Variants in SLTM observed in about 807,000 individuals in gnomAD.
SLTM encodes the protein SAFB-like transcription modulator.
A neutral mutation model predicts 134.6 loss-of-function variants in SLTM; 43 were observed. The ratio of observed to expected loss-of-function variants is 0.32; its 90% CI spans 0.25 to 0.41. The LOEUF is 0.41. Ranked by LOEUF, SLTM falls within the 10% of genes least tolerant of loss-of-function variation. SLTM has a pLI of 1.00. For synonymous variants in SLTM, 424 were observed against 432.3 expected, an observed-to-expected ratio of 0.98 and a Z score of 0.24; for missense variants, 1,055 against 1,288.8, an observed-to-expected ratio of 0.82 and a Z score of 2.78.
chr15:58,920,562 G>A (rs572489582), intron 2 of SLTM, among the ~76,000 whole-genome samples: 3 of 151,958 alleles, frequency 2.0e-5, no homozygotes, highest in Admixed American at 2.0e-4. Flanking sequence ...GGTGGAGGCT[G>A]CAGTGAGCCA....
intron 2 of SLTM, among the ~76,000 whole-genome samples, chr15:58,927,460 G>A (rs1031700331): frequency 2.6e-5 from 4 of 152,206 alleles, no homozygotes; most frequent in African/African-American, 4.8e-5. Context: ...TAGTAAAAAC[G>A]GGGTTTCACC....
chr15:58,918,928 T>C (rs1179592191), intron 2 of SLTM, among the ~76,000 whole-genome samples: 3 of 152,068 alleles, frequency 2.0e-5, no homozygotes, highest in Non-Finnish European at 2.9e-5. Context: ...TTTTTTTTTT[T>C]CCTGAGACAA....
At chr15:58,921,273 A>T (rs2037025827) in intron 2 of SLTM, among the ~76,000 whole-genome samples, 1 of 152,238 alleles carries the variant, frequency 6.6e-6, no homozygotes, top group Admixed American at 6.5e-5. Context: ...AAATTAGATT[A>T]CAAAGCTAGT....
At chr15:58,932,050 T>C (rs1465581715) in intron 2 of SLTM, 3 of 176,092 alleles carry the variant, frequency 1.7e-5, no homozygotes, top group Non-Finnish European at 2.5e-5. Flanking sequence ...AAGGTAGACA[T>C]GTGTTAAACT....
intron 1 of SLTM, among the ~76,000 whole-genome samples, chr15:58,933,156 G>T (rs1188644175): frequency 4.0e-5 from 6 of 151,838 alleles, no homozygotes; most frequent in African/African-American, 1.4e-4. Context: ...ACGTCCCGGG[G>T]AGGCGGAGGC....
chr15:58,888,549 A>G lies in SLTM; in HGVS notation c.2211T>C (p.Asp737=), dbSNP rs112400142. ...KRPRDVDHRR[D]DPYWSENKKL... ...TTTTATTCTCGCTCCAGTAAGGATC[A>G]TCTCGCCTTGAAGAGAAATATTTGC... is the stretch of plus-strand genomic sequence containing the variant. The change falls in exon 17 of 21, where the codon GAT becomes GAC. Residue 737 remains aspartate (D), a synonymous_variant. Transcript: ENST00000380516. The G allele has an allele frequency of 0.021, 33,390 of 1,612,046 alleles. 391 individuals carry two copies. The highest frequency in any genetic ancestry group is 0.024 in the Middle Eastern group (148 of 6,058).
rs8025831 is a variant in SLTM at position 58,914,136 on chromosome 15, G to A, written c.316-440C>T. On this transcript the variant is annotated intron_variant, in intron 3 of 20. Coordinates refer to ENST00000380516, the MANE Select transcript of SLTM (RefSeq NM_024755.4). The stretch of plus-strand genomic sequence containing the variant: ...AACTGCTGCATCAATGTCTGTTCTT[G>A]AAAAATATGCAAATAACTAATTGAA... Among the ~76,000 whole-genome samples, 667 of 152,284 alleles carry A rather than the reference G, an allele frequency of 4.4e-3. 9 individuals carry two copies. The highest frequency in any genetic ancestry group is 0.016 in the African/African-American group (651 of 41,558).
chr15:58,921,375 A>C (rs938759259), intron 2 of SLTM: 1 of 161,768 alleles, frequency 6.2e-6, no homozygotes, highest in African/African-American at 2.4e-5. Flanking sequence ...GTTGTTTAAA[A>C]TATTATCTCT....
Position 58,890,329 on chromosome 15 carries a change from C to T in SLTM, c.2031G>A (p.Glu677=). The change falls in exon 15 of 21, where the codon GAG becomes GAA. Residue 677 remains glutamate, a synonymous_variant. Coordinates refer to ENST00000380516, the MANE Select transcript of SLTM (RefSeq NM_024755.4). Reference sequence around the variant, plus strand: ...TTTCCAAGCGTTCGCGTTCCATTCTCTCTCTCTCTAGTTTTTGCCTTTCAA... The same window carrying T: ...TTTCCAAGCGTTCGCGTTCCATTCTTTCTCTCTCTAGTTTTTGCCTTTCAA... The part of the protein sequence containing the change: ...LEIERQKLER[E]RMERERLERE... 4 of 1,614,090 alleles carry T rather than the reference C, an allele frequency of 2.5e-6. No individual in the cohort carries two copies. Among genetic ancestry groups the T allele is most frequent in the Non-Finnish European group, 3.4e-6 (4 of 1,179,966 alleles).
At chr15:58,925,093 G>T (rs1489178869) in intron 2 of SLTM, among the ~76,000 whole-genome samples, 2 of 95,336 alleles carry the variant, frequency 2.1e-5, no homozygotes, top group African/African-American at 7.9e-5. Flanking sequence ...AAAAAAAAAA[G>T]CTTAGTTATA....
At chr15:58,912,518 C>T (rs569267776) in intron 5 of SLTM, 45 bp downstream of exon 5, 29 of 1,502,544 alleles carry the variant, frequency 1.9e-5, no homozygotes, top group Middle Eastern at 1.7e-4. Context: ...TTTCCAAGCC[C>T]GTCCACCCAC....
intron 14 of SLTM, among the ~76,000 whole-genome samples, chr15:58,891,999 A>G (rs1310351073): frequency 6.6e-6 from 1 of 152,190 alleles, no homozygotes; most frequent in Non-Finnish European, 1.5e-5. Flanking sequence ...CATCTTAAAA[A>G]AGAGAAAATG....
At position 58,912,622 on chromosome 15, in the gene SLTM, G is replaced by C. The variant is rs2036360402; in HGVS notation, c.514-12C>G. ...TGAGCTTCAATTTCCTAAGTAAAAG[G>C]GTATACAATAGCTTTGCTTTATAAA... On this transcript the variant is annotated splice_polypyrimidine_tract_variant and intron_variant, in intron 4 of 20. Coordinates refer to ENST00000380516, the MANE Select transcript of SLTM (RefSeq NM_024755.4). The C allele has an allele frequency of 3.1e-6, 5 of 1,593,780 alleles. No homozygotes were observed. The highest frequency in any genetic ancestry group is 1.1e-5 in the South Asian group (1 of 88,938).
intron 20 of SLTM, 64 bp from the exon 21 acceptor site, chr15:58,880,171 A>G: frequency 6.4e-7 from 1 of 1,570,198 alleles, no homozygotes; most frequent in East Asian, 2.3e-5. Context: ...TGCAAATACC[A>G]GGCACTGTTC....
At position 58,892,893 on chromosome 15, in the gene SLTM, C is replaced by G. The variant is rs1163491830; in HGVS notation, c.1898+4G>C. ...GACAGGTATAAAACAGACTCTCTTC[C>G]TACCTTCGAAGTTCCATTGCTCGTC... is the stretch of plus-strand genomic sequence containing the variant. On this transcript the variant is annotated splice_donor_region_variant and intron_variant, in intron 14 of 20. Transcript: ENST00000380516. 2 of 1,612,592 alleles carry G rather than the reference C, an allele frequency of 1.2e-6. No homozygotes were observed. The highest frequency in any genetic ancestry group is 2.2e-5 in the South Asian group (2 of 90,872).
At chr15:58,893,169 T>C in intron 13 of SLTM, 109 bp from the exon 14 acceptor site, 2 of 1,413,616 alleles carry the variant, frequency 1.4e-6, no homozygotes, top group Non-Finnish European at 1.9e-6. Flanking sequence ...CATTTCCTTT[T>C]TCTTGGGTTT....
chr15:58,912,747 C>T, intron 4 of SLTM, 137 bp from the exon 5 acceptor site: 1 of 650,278 alleles, frequency 1.5e-6, no homozygotes, highest in Non-Finnish European at 2.6e-6. Flanking sequence ...TAAATCAATG[C>T]TTAATATTCA....
chr15:58,880,246 C>A, intron 20 of SLTM, 139 bp from the exon 21 acceptor site: 1 of 1,135,118 alleles, frequency 8.8e-7, no homozygotes, highest in Non-Finnish European at 1.2e-6. Context: ...TGAACCATTG[C>A]TAACCCCACT....
At chr15:58,930,942 A>C (rs1194554262) in intron 2 of SLTM, among the ~76,000 whole-genome samples, 1 of 152,080 alleles carries the variant, frequency 6.6e-6, no homozygotes, top group Non-Finnish European at 1.5e-5. Context: ...GTTTATTTTC[A>C]ATGCTAAAAT....
Sources: gnomAD v4.1 joint callset for allele counts (sites outside exome capture counted in the v4.1 genomes callset) on GRCh38, gnomAD v4.1.1 for gene constraint, MANE v1.5 for transcripts, NCBI Gene and HGNC (gene_info 2026-07-23, HGNC 2026-07-21) for gene names.